ATP6V1A: variants seen among roughly 807,000 people sequenced by gnomAD.
ATP6V1A encodes the protein ATPase H+ transporting V1 subunit A.
In ATP6V1A, 18 loss-of-function variants were observed where a neutral mutation model predicts 70.1. The ratio of observed to expected loss-of-function variants is 0.26; its 90% CI spans 0.18 to 0.38. The LOEUF (loss-of-function observed/expected upper bound fraction) is 0.38, where lower values mean the gene tolerates loss of function less well. Ranked by LOEUF, ATP6V1A falls within the 10% of genes least tolerant of loss-of-function variation. The probability of loss-of-function intolerance (pLI) is 1.00; values close to 1 mark genes in which losing one functional copy is unlikely to be tolerated. For synonymous variants in ATP6V1A, 232 were observed against 253.8 expected (o/e 0.91, Z 0.82); for missense variants, 424 against 772.4 (o/e 0.55, Z 5.35).
rs369126041 is a variant in ATP6V1A, at chr3:113,767,086, C to CTTTT, written c.-13-11635_-13-11632dup. 2.9e-4 allele frequency among the ~76,000 whole-genome samples: 31 copies of CTTTT among 107,846 alleles called. 1 individual carries two copies. The highest frequency in any genetic ancestry group is 6.1e-4 in the Admixed American group (6 of 9,860). 70.8% of individuals were successfully genotyped at this position (107,846 alleles called of 152,430 possible). ...TAACAAATAGTAGTTGATGTTATGT[C>CTTTT]TTTTTTTTTTTTTTTTTTTTTTTGA... On this transcript the variant is annotated intron_variant, in intron 1 of 14. Coordinates refer to ENST00000273398, the MANE Select transcript of ATP6V1A (RefSeq NM_001690.4).
intron 2 of ATP6V1A, among the ~76,000 whole-genome samples, chr3:113,779,620 C>T (rs1487448788): frequency 6.6e-6 from 1 of 152,038 alleles, no homozygotes; most frequent in Admixed American, 6.6e-5. Flanking sequence ...TTTTCTCCCC[C>T]AAGAACTTGG....
chr3:113,793,198 TACA>T (rs1171269829), intron 8 of ATP6V1A, among the ~76,000 whole-genome samples: 50 of 152,238 alleles, frequency 3.3e-4, no homozygotes, highest in Non-Finnish European at 6.0e-4. Context: ...TAGCTGGGAT[TACA>T]GGCATGCACC....
chr3:113,807,684 G>A (rs902829308), intron 14 of ATP6V1A, among the ~76,000 whole-genome samples: 1 of 152,064 alleles, frequency 6.6e-6, no homozygotes, highest in African/African-American at 2.4e-5. Flanking sequence ...ATAGAAAGAG[G>A]ATGAAGAAGA....
At chr3:113,769,600 A>G (rs189615587) in intron 1 of ATP6V1A, among the ~76,000 whole-genome samples, 1 of 152,328 alleles carries the variant, frequency 6.6e-6, no homozygotes, top group African/African-American at 2.4e-5. Flanking sequence ...AATAAAAAGA[A>G]TAATTTCTGA....
chr3:113,800,048 T>C (rs1020008038), intron 12 of ATP6V1A, among the ~76,000 whole-genome samples: 1 of 151,996 alleles, frequency 6.6e-6, no homozygotes, highest in Non-Finnish European at 1.5e-5. Context: ...CTGGCCAGCA[T>C]GGTGAAACCC....
chr3:113,773,648 A>G (rs1283089184), intron 1 of ATP6V1A, among the ~76,000 whole-genome samples: 1 of 152,178 alleles, frequency 6.6e-6, no homozygotes, highest in Non-Finnish European at 1.5e-5. Flanking sequence ...ATCAGAACAG[A>G]CATCATTATT....
rs143644204 is a variant in ATP6V1A, at chr3:113,774,850, G to A, written c.-13-3891G>A. 5.8e-3 allele frequency among the ~76,000 whole-genome samples: 883 copies of A among 151,696 alleles called. 14 individuals are homozygous for A. The highest frequency in any genetic ancestry group is 0.02 in the African/African-American group (840 of 41,392). The stretch of plus-strand genomic sequence containing the variant: ...AAAGAAAAAAAAAAAGCAGCATTCA[G>A]AATAGATGAAGTAGTACTCTTCAGT... On this transcript the variant is annotated intron_variant, in intron 1 of 14. Transcript: ENST00000273398.
intron 5 of ATP6V1A, among the ~76,000 whole-genome samples, chr3:113,785,804 G>A (rs1709032717): frequency 6.6e-6 from 1 of 150,406 alleles, no homozygotes; most frequent in Non-Finnish European, 1.5e-5. Flanking sequence ...AAGTAGCTGG[G>A]ATTACAGGCC....
intron 10 of ATP6V1A, among the ~76,000 whole-genome samples, chr3:113,795,652 GT>G (rs1185042207): frequency 1.3e-5 from 2 of 151,860 alleles, no homozygotes; most frequent in Admixed American, 6.6e-5. Flanking sequence ...AATAGAAGGT[GT>G]TCTGTAGTTT....
intron 12 of ATP6V1A, chr3:113,803,272 A>G: frequency 4.8e-6 from 1 of 207,456 alleles, no homozygotes; most frequent in African/African-American, 2.3e-5. Context: ...GAGGAGAGAA[A>G]GGACAGTTAC....
chr3:113,808,550 C>G lies in ATP6V1A; in HGVS notation c.1762-785C>G, dbSNP rs1168802923. Among the ~76,000 whole-genome samples the G allele has an allele frequency of 2.6e-5, 4 of 152,128 alleles. No homozygotes were observed. The South Asian group carries it at 6.2e-4, about 24-fold the overall frequency. On this transcript the variant is annotated intron_variant, in intron 14 of 14. Coordinates refer to ENST00000273398, the MANE Select transcript of ATP6V1A (RefSeq NM_001690.4). ...CTTGTGACTCGCCTGCCTCGGCCCC[C>G]CAAAGTGCTGGGATTACAGGCGTGA...
intron 1 of ATP6V1A, among the ~76,000 whole-genome samples, chr3:113,756,677 A>G (rs1384285265): frequency 6.6e-6 from 1 of 152,236 alleles, no homozygotes; most frequent in East Asian, 1.9e-4. Flanking sequence ...ATAACTTGAA[A>G]TACTCCTTAA....
chr3:113,786,461 A>G (rs1709041289), intron 6 of ATP6V1A, 78 bp downstream of exon 6: 1 of 1,453,414 alleles, frequency 6.9e-7, no homozygotes. Flanking sequence ...TTATAGATAA[A>G]GGGCTTATGT....
rs193036906 is a variant in ATP6V1A at position 113,787,435 on chromosome 3, T to C, written c.716+1052T>C. On this transcript the variant is annotated intron_variant, in intron 6 of 14. Transcript: ENST00000273398. ...AGCAGGGGGAAAATGCCCTGTTTCA[T>C]GGCAAAGAAGTAAATACTCCAATAT... is the stretch of plus-strand genomic sequence containing the variant. Among the ~76,000 whole-genome samples, 353 of 152,338 alleles carry C rather than the reference T, an allele frequency of 2.3e-3. 7 individuals carry two copies. Among genetic ancestry groups the C allele is most frequent in the Admixed American group, 0.019 (297 of 15,296 alleles).
intron 8 of ATP6V1A, among the ~76,000 whole-genome samples, chr3:113,794,501 C>T (rs990488938): frequency 6.6e-6 from 1 of 152,168 alleles, no homozygotes; most frequent in African/African-American, 2.4e-5. Flanking sequence ...TCATTCTGAG[C>T]CATGATCCAG....
chr3:113,757,415 A>T (rs1708657367), intron 1 of ATP6V1A, among the ~76,000 whole-genome samples: 1 of 152,212 alleles, frequency 6.6e-6, no homozygotes, highest in African/African-American at 2.4e-5. Context: ...CCTCCAAATG[A>T]GCCATTGAGC....
rs1441283002 is a variant in ATP6V1A, at chr3:113,794,995, G to A, written c.1111+1G>A. On this transcript the variant is annotated splice_donor_variant, in intron 9 of 14. Transcript: ENST00000273398. LOFTEE classifies it high-confidence loss of function. ...GGTCGTTTAGCTGAAATGCCTGCAG[G>A]TAAGTCTGTGTATTGCTTATCATGT... 1 of 1,613,658 alleles carries A rather than the reference G, an allele frequency of 6.2e-7. No individual in the cohort carries two copies. The highest frequency in any genetic ancestry group is 1.7e-5 in the Admixed American group (1 of 59,922).
intron 1 of ATP6V1A, among the ~76,000 whole-genome samples, chr3:113,750,618 T>G (rs944327566): frequency 2.6e-5 from 4 of 152,250 alleles, no homozygotes; most frequent in Non-Finnish European, 4.4e-5. Flanking sequence ...TTAATAACTG[T>G]GTGACTTTGG....
chr3:113,803,305 T>C (rs1709236770), intron 12 of ATP6V1A: 1 of 256,710 alleles, frequency 3.9e-6, no homozygotes, highest in East Asian at 7.5e-5. Flanking sequence ...GTTTCAGACT[T>C]GCAAGATGGA....
Sources: allele counts gnomAD v4.1 joint callset (sites outside exome capture counted in the v4.1 genomes callset), GRCh38; gene constraint gnomAD v4.1.1; transcripts MANE v1.5; gene names NCBI Gene and HGNC (gene_info 2026-07-23, HGNC 2026-07-21).